Variants in TXK observed in about 807,000 individuals in gnomAD.
The protein encoded by TXK is TXK tyrosine kinase.
Under a neutral mutation model 81.0 loss-of-function variants are expected in TXK, and 60 were observed. The observed-to-expected ratio is 0.74, with a 90% CI of 0.60 to 0.92. The LOEUF is 0.92. Ranked by LOEUF, TXK falls within the 40% of genes least tolerant of loss-of-function variation. TXK has a pLI of 0.00. For missense variants in TXK, 581 were observed against 638.3 expected (o/e 0.91, Z 0.97); for synonymous variants, 203 against 210.7 (o/e 0.96, Z 0.32).
At chr4:48,122,304 C>T (rs551323423) in intron 1 of TXK, among the ~76,000 whole-genome samples, 5 of 152,320 alleles carry the variant, frequency 3.3e-5, no homozygotes, top group Non-Finnish European at 5.9e-5. Context: ...TCAGCCACAC[C>T]GCAATGCTGC....
chr4:48,094,128 CGT>C lies in TXK; in HGVS notation c.656_657del (p.His219ArgfsTer7), dbSNP rs753866280. The C allele has an allele frequency of 3.4e-5, 55 of 1,613,652 alleles. No homozygotes were observed. Among genetic ancestry groups the C allele is most frequent in the Non-Finnish European group, 4.6e-5 (54 of 1,180,018 alleles). ...DSGQWYVAER[H>X]AFQSIPELIW... Reference sequence around the variant, plus strand: ...ATTAACTCAGGGATTGATTGAAAGGCGTGTCTTTCAGCCACATACCACTGTCC... The same window carrying C: ...ATTAACTCAGGGATTGATTGAAAGGCGTCTTTCAGCCACATACCACTGTCC... On this transcript the variant is annotated frameshift_variant, in exon 8 of 15. Coordinates refer to ENST00000264316, the MANE Select transcript of TXK (RefSeq NM_003328.3). LOFTEE classifies it high-confidence loss of function.
intron 8 of TXK, among the ~76,000 whole-genome samples, chr4:48,090,492 C>G (rs1717722821): frequency 6.6e-6 from 1 of 152,152 alleles, no homozygotes; most frequent in South Asian, 2.1e-4. Context: ...ATATAGATTT[C>G]TATACATCAA....
chr4:48,119,992 G>A (rs1313590146), intron 1 of TXK, among the ~76,000 whole-genome samples: 1 of 151,956 alleles, frequency 6.6e-6, no homozygotes, highest in Non-Finnish European at 1.5e-5. Flanking sequence ...CCCACTTGGA[G>A]GTATTCAAAT....
At chr4:48,115,626 C>T (rs929280578) in intron 1 of TXK, among the ~76,000 whole-genome samples, 2 of 152,092 alleles carry the variant, frequency 1.3e-5, no homozygotes, top group African/African-American at 4.8e-5. Flanking sequence ...GCAGGCAGAT[C>T]GCTTGAGCCC....
At chr4:48,100,507 G>A (rs990293296) in intron 6 of TXK, among the ~76,000 whole-genome samples, 4 of 152,194 alleles carry the variant, frequency 2.6e-5, no homozygotes, top group African/African-American at 7.2e-5. Context: ...CTGAGATGAG[G>A]TGTCAGAGAG....
intron 1 of TXK, chr4:48,114,604 A>G (rs1718743274): frequency 3.4e-6 from 2 of 582,794 alleles, no homozygotes; most frequent in African/African-American, 1.9e-5. Flanking sequence ...TTCCCTTCTC[A>G]GGCTCTTCTC....
intron 1 of TXK, 95 bp from the exon 2 acceptor site, chr4:48,114,497 C>T (rs1297246583): frequency 9.3e-6 from 12 of 1,285,802 alleles, no homozygotes; most frequent in South Asian, 2.4e-5. Context: ...TATTATAAAG[C>T]GTATGAAAGT....
chr4:48,081,319 T>TA (rs1717290778), intron 10 of TXK, among the ~76,000 whole-genome samples: 1 of 152,052 alleles, frequency 6.6e-6, no homozygotes, highest in African/African-American at 2.4e-5. Flanking sequence ...AGATCACTGG[T>TA]AAAAATCTAA....
intron 10 of TXK, among the ~76,000 whole-genome samples, chr4:48,084,982 G>C (rs930620838): frequency 2.0e-5 from 3 of 152,114 alleles, no homozygotes; most frequent in African/African-American, 7.2e-5. Context: ...GCAAGTGCGG[G>C]TCAGAACTAA....
At chr4:48,131,454 T>C (rs967443919) in intron 1 of TXK, among the ~76,000 whole-genome samples, 22 of 152,110 alleles carry the variant, frequency 1.4e-4, no homozygotes, top group African/African-American at 5.3e-4. Context: ...TTTGTTTGTT[T>C]GTTTGTTTTT....
At chr4:48,113,154 T>G in intron 3 of TXK, 53 bp downstream of exon 3, 1 of 1,383,392 alleles carries the variant, frequency 7.2e-7, no homozygotes. Context: ...GAATGAAGAC[T>G]CTAAAAAGAC....
intron 6 of TXK, among the ~76,000 whole-genome samples, chr4:48,098,958 T>C (rs201044800): frequency 9.1e-4 from 134 of 147,462 alleles, no homozygotes; most frequent in African/African-American, 3.2e-3. Context: ...AAAAAAAAAA[T>C]GGGAAAAAAG....
intron 1 of TXK, among the ~76,000 whole-genome samples, chr4:48,126,245 G>A (rs916139193): frequency 1.3e-5 from 2 of 152,180 alleles, no homozygotes; most frequent in African/African-American, 4.8e-5. Context: ...TGACGAGGAT[G>A]AAGGCATTTA....
chr4:48,115,816 C>T (rs1000696152), intron 1 of TXK, among the ~76,000 whole-genome samples: 30 of 152,062 alleles, frequency 2.0e-4, no homozygotes, highest in Non-Finnish European at 2.9e-4. Context: ...GATTGCACCA[C>T]TGCACTCCAG....
chr4:48,080,228 T>A, intron 10 of TXK, 100 bp from the exon 11 acceptor site: 1 of 923,878 alleles, frequency 1.1e-6, no homozygotes, highest in African/African-American at 1.6e-5. Flanking sequence ...TCACTCTCAT[T>A]ATCAAGATAA....
Position 48,118,801 on chromosome 4 carries a change from C to T in TXK, c.17-4399G>A, listed in dbSNP as rs1028855090. Among the ~76,000 whole-genome samples the T allele has an allele frequency of 6.6e-5, 10 of 152,226 alleles. No homozygotes were observed. The East Asian group carries it at 1.9e-3, about 29-fold the overall frequency. On this transcript the variant is annotated intron_variant, in intron 1 of 14. Transcript: ENST00000264316. ...TCTCCAGCAGAGGGTATCTCTGGAC[C>T]TCTAAATATATGACCAAATAAATCC...
At chr4:48,082,461 C>T (rs1717344922) in intron 10 of TXK, among the ~76,000 whole-genome samples, 1 of 152,136 alleles carries the variant, frequency 6.6e-6, no homozygotes, top group Non-Finnish European at 1.5e-5. Context: ...TTAGAGTAAC[C>T]AAGACATTCC....
chr4:48,124,067 G>A (rs1293872757), intron 1 of TXK, among the ~76,000 whole-genome samples: 2 of 152,072 alleles, frequency 1.3e-5, no homozygotes, highest in Non-Finnish European at 2.9e-5. Context: ...CCTGCCCTGT[G>A]GTTCCTAGTT....
chr4:48,108,545 A>G (rs1718534291), intron 5 of TXK, among the ~76,000 whole-genome samples: 1 of 152,232 alleles, frequency 6.6e-6, no homozygotes, highest in Non-Finnish European at 1.5e-5. Flanking sequence ...AACCTAGGGC[A>G]GTAACTTTCG....
Sources: gnomAD v4.1 joint callset for allele counts (sites outside exome capture counted in the v4.1 genomes callset) on GRCh38, gnomAD v4.1.1 for gene constraint, MANE v1.5 for transcripts, NCBI Gene and HGNC (gene_info 2026-07-23, HGNC 2026-07-21) for gene names.